The following PLCB1 variants were observed in gnomAD, a reference collection of about 807,000 sequenced individuals.
The protein encoded by PLCB1 is phospholipase C beta 1.
PLCB1 carries 46 observed loss-of-function variants against 161.8 expected under a neutral mutation model. The ratio of observed to expected loss-of-function variants is 0.28; its 90% CI spans 0.22 to 0.36. The LOEUF (loss-of-function observed/expected upper bound fraction) is 0.36, where lower values mean the gene tolerates loss of function less well. Among genes scored for constraint, PLCB1 ranks in the 10% least tolerant of loss-of-function variants. PLCB1 has a pLI of 1.00. For missense variants in PLCB1, 1,016 were observed against 1,472.5 expected (o/e 0.69, Z 5.07); for synonymous variants, 517 against 503.7 (o/e 1.03, Z -0.35).
chr20:8,464,916 G>T (rs781712241), intron 3 of PLCB1, among the ~76,000 whole-genome samples: 5 of 151,812 alleles, frequency 3.3e-5, no homozygotes, highest in Non-Finnish European at 5.9e-5. Context: ...AACATCCATT[G>T]GTTTTTAATT....
intron 3 of PLCB1, among the ~76,000 whole-genome samples, chr20:8,496,295 C>A (rs1047616732): frequency 3.4e-5 from 5 of 148,746 alleles, no homozygotes; most frequent in African/African-American, 1.2e-4. Context: ...AAGTTCGAGA[C>A]CAGCCTCGGC....
chr20:8,198,241 T>C (rs1000076958), intron 2 of PLCB1, among the ~76,000 whole-genome samples: 10 of 152,142 alleles, frequency 6.6e-5, no homozygotes, highest in Admixed American at 1.3e-4. Context: ...ATCTATAAAT[T>C]ACCTTGGGCA....
At chr20:8,365,323 TTAAA>T (rs1209721053) in intron 2 of PLCB1, among the ~76,000 whole-genome samples, 1 of 152,190 alleles carries the variant, frequency 6.6e-6, no homozygotes, top group African/African-American at 2.4e-5. Flanking sequence ...CTAAGTGTGT[TTAAA>T]TAAAGAAAGC....
chr20:8,815,258 T>C (rs78922098), intron 31 of PLCB1, among the ~76,000 whole-genome samples: 1 of 152,188 alleles, frequency 6.6e-6, no homozygotes, highest in Non-Finnish European at 1.5e-5. Context: ...GGGCTTTGCT[T>C]TAATTACCTC....
chr20:8,560,282 C>T (rs1377128998), intron 3 of PLCB1, among the ~76,000 whole-genome samples: 1 of 151,972 alleles, frequency 6.6e-6, no homozygotes, highest in Non-Finnish European at 1.5e-5. Context: ...TGTACATTGA[C>T]ATCACCTGTG....
chr20:8,574,404 A>G (rs934721004), intron 3 of PLCB1, among the ~76,000 whole-genome samples: 4 of 152,198 alleles, frequency 2.6e-5, no homozygotes, highest in African/African-American at 9.7e-5. Context: ...TTCTCAAAAC[A>G]AAACAAAAAA....
At chr20:8,781,230 T>C (rs2146211200) in intron 27 of PLCB1, among the ~76,000 whole-genome samples, 1 of 151,728 alleles carries the variant, frequency 6.6e-6, no homozygotes, top group Admixed American at 6.6e-5. Flanking sequence ...ATAGGGTCAT[T>C]TTTTTTTTGA....
chr20:8,745,658 A>G (rs1272876947), intron 23 of PLCB1, among the ~76,000 whole-genome samples: 2 of 151,946 alleles, frequency 1.3e-5, no homozygotes, highest in African/African-American at 2.4e-5. Context: ...TTATCTGAAT[A>G]ATGGTTGGAA....
intron 12 of PLCB1, among the ~76,000 whole-genome samples, chr20:8,714,739 C>G (rs1471763299): frequency 6.6e-6 from 1 of 152,102 alleles, no homozygotes; most frequent in Admixed American, 6.6e-5. Flanking sequence ...CTTTGCAAAT[C>G]CTTTGAATCT....
intron 1 of PLCB1, among the ~76,000 whole-genome samples, chr20:8,135,255 G>A (rs934540069): frequency 1.1e-4 from 17 of 152,310 alleles, no homozygotes; most frequent in South Asian, 4.1e-4. Flanking sequence ...GTGTAAAAGC[G>A]TGGTAATGTT....
At chr20:8,268,397 T>C (rs1342204515) in intron 2 of PLCB1, among the ~76,000 whole-genome samples, 5 of 152,208 alleles carry the variant, frequency 3.3e-5, no homozygotes, top group East Asian at 1.9e-4. Context: ...TCCAAGTCTT[T>C]GCTATTGTGA....
At position 8,820,962 on chromosome 20, in the gene PLCB1, A is replaced by T. The variant is rs144747407; in HGVS notation, c.3423+30701A>T. On this transcript the variant is annotated intron_variant, in intron 31 of 31. Coordinates refer to ENST00000338037, the MANE Select transcript of PLCB1 (RefSeq NM_015192.4). Reference sequence around the variant, plus strand: ...ATTTTAGTATACAAATATGATACCAATCAATTTTTTAAAGTATGAGAACAA... The same window carrying T: ...ATTTTAGTATACAAATATGATACCATTCAATTTTTTAAAGTATGAGAACAA... Among the ~76,000 whole-genome samples, 607 of 152,312 alleles carry T rather than the reference A, an allele frequency of 4.0e-3. 4 individuals are homozygous for T. Among genetic ancestry groups the T allele is most frequent in the African/African-American group, 0.014 (574 of 41,570 alleles).
chr20:8,832,939 A>G (rs1012333203), intron 31 of PLCB1, among the ~76,000 whole-genome samples: 2 of 152,242 alleles, frequency 1.3e-5, no homozygotes, highest in Non-Finnish European at 2.9e-5. Context: ...GAATCACGGC[A>G]CAATCCAATT....
intron 31 of PLCB1, among the ~76,000 whole-genome samples, chr20:8,832,723 C>T (rs138571400): frequency 8.2e-4 from 125 of 152,310 alleles, no homozygotes; most frequent in African/African-American, 2.6e-3. Context: ...CTAAAGAAAA[C>T]GCTTGGTCTT....
intron 3 of PLCB1, among the ~76,000 whole-genome samples, chr20:8,464,287 G>T (rs1011158034): frequency 6.6e-6 from 1 of 152,062 alleles, no homozygotes; most frequent in African/African-American, 2.4e-5. Flanking sequence ...TCCTCCTCAG[G>T]ATTTGTTGTG....
At chr20:8,841,928 G>A (rs1318707602) in intron 31 of PLCB1, among the ~76,000 whole-genome samples, 2 of 152,214 alleles carry the variant, frequency 1.3e-5, no homozygotes, top group Non-Finnish European at 1.5e-5. Flanking sequence ...ACCTAGTTAT[G>A]TGATGTGTTC....
At chr20:8,167,375 G>T (rs1166144498) in intron 2 of PLCB1, among the ~76,000 whole-genome samples, 2 of 152,120 alleles carry the variant, frequency 1.3e-5, no homozygotes, top group Non-Finnish European at 2.9e-5. Flanking sequence ...TTAAATTTTA[G>T]AATTGGACCC....
intron 2 of PLCB1, among the ~76,000 whole-genome samples, chr20:8,216,826 A>G (rs950263565): frequency 6.6e-5 from 10 of 152,160 alleles, no homozygotes; most frequent in African/African-American, 2.4e-4. Flanking sequence ...AAACTCAAGT[A>G]CATGGAGCTC....
intron 3 of PLCB1, among the ~76,000 whole-genome samples, chr20:8,503,455 C>G (rs143520130): frequency 1.7e-3 from 261 of 152,244 alleles, no homozygotes; most frequent in African/African-American, 4.4e-3. Context: ...TCACTTCTCT[C>G]TTACTTGCAG....
Sources: gnomAD v4.1 joint callset for allele counts (sites outside exome capture counted in the v4.1 genomes callset) on GRCh38, gnomAD v4.1.1 for gene constraint, MANE v1.5 for transcripts, NCBI Gene and HGNC (gene_info 2026-07-23, HGNC 2026-07-21) for gene names.